The following CDH26 variants were observed in gnomAD, a reference collection of about 807,000 sequenced individuals.
CDH26 encodes cadherin 26, also known as cadherin-like protein 26.
Under a neutral mutation model 90.3 loss-of-function variants are expected in CDH26, and 83 were observed. That is an observed-to-expected ratio of 0.92 (90% CI 0.77 to 1.10). CDH26 has a LOEUF of 1.10. CDH26 is among the 50% of genes least tolerant of loss of function. CDH26 has a pLI of 0.00. For synonymous variants in CDH26, 397 were observed against 396.3 expected (o/e 1.00, Z -0.02); for missense variants, 1,013 against 1,037.6 (o/e 0.98, Z 0.33).
chr20:59,967,858 T>TTTCC (rs1491382296), intron 1 of CDH26, among the ~76,000 whole-genome samples: 3 of 114,934 alleles, frequency 2.6e-5, no homozygotes, highest in African/African-American at 9.6e-5. Context: ...TCTTTCTTTC[T>TTTCC]TTCTTTCTTT....
At chr20:59,995,220 C>T (rs1163729551) in intron 11 of CDH26, among the ~76,000 whole-genome samples, 2 of 152,142 alleles carry the variant, frequency 1.3e-5, no homozygotes, top group Non-Finnish European at 2.9e-5. Flanking sequence ...TGTCTGACAC[C>T]AGTGTCTCTT....
chr20:59,974,679 G>T (rs1160236698), intron 4 of CDH26, among the ~76,000 whole-genome samples: 3 of 152,164 alleles, frequency 2.0e-5, no homozygotes. Flanking sequence ...GACCACAGTT[G>T]TCTTTTAATA....
rs184201716 is a variant in CDH26 at position 59,986,923 on chromosome 20, G to A, written c.838-530G>A. On this transcript the variant is annotated intron_variant, in intron 7 of 17. Transcript: ENST00000348616. ...AAATCTTTTCCTGGCTTGGTAAAAA[G>A]CAATGCTCTCAAAAATATGGCTGGA... Among the ~76,000 whole-genome samples, 69 of 152,162 alleles carry A rather than the reference G, an allele frequency of 4.5e-4. 1 individual carries two copies. In the East Asian group the frequency reaches 9.3e-3, roughly 20 times the overall value.
In CDH26 at chr20:59,992,511, G is replaced by A; in HGVS notation, c.1417G>A (p.Val473Ile). ...NSFYVIIIHA[V>I]DDGFPPQTAT... ...TTTTTATGTAATCATCATTCACGCT[G>A]TTGATGATGGTGAGTGTTTACCCAA... Residue 473 changes from valine (V) to isoleucine (I), a missense_variant, in exon 10 of 18, where the codon GTT becomes ATT. Val to Ile is a conservative substitution (Grantham distance 29). Coordinates refer to ENST00000348616, the MANE Select transcript of CDH26 (RefSeq NM_177980.4). The surrounding 1 kb of genome is among the most constrained non-coding windows in gnomAD (Gnocchi z 5.0). 1 of 1,613,698 alleles carries A rather than the reference G, an allele frequency of 6.2e-7. No individual in the cohort carries two copies. Among genetic ancestry groups the A allele is most frequent in the Non-Finnish European group, 8.5e-7 (1 of 1,179,892 alleles).
intron 1 of CDH26, among the ~76,000 whole-genome samples, chr20:59,968,376 C>T (rs533935962): frequency 5.3e-5 from 8 of 152,192 alleles, no homozygotes; most frequent in East Asian, 1.9e-4. Context: ...GGATTACACG[C>T]GTGAGCCACC....
At chr20:59,966,324 T>C (rs192357675) in intron 1 of CDH26, among the ~76,000 whole-genome samples, 1 of 151,890 alleles carries the variant, frequency 6.6e-6, no homozygotes, top group Admixed American at 6.5e-5. Flanking sequence ...ACCTTCTGCC[T>C]TGATGTACAG....
chr20:60,009,761 C>T (rs192191286), intron 17 of CDH26, among the ~76,000 whole-genome samples: 1 of 152,262 alleles, frequency 6.6e-6, no homozygotes. Flanking sequence ...GCTCTGCTGT[C>T]AGCCTGGGGG....
rs569750793 is a variant in CDH26, at chr20:59,970,599, A to G, written c.231+413A>G. 6.6e-4 allele frequency among the ~76,000 whole-genome samples: 100 copies of G among 151,804 alleles called. 1 individual carries two copies. The highest frequency in any genetic ancestry group is 2.2e-3 in the African/African-American group (91 of 41,378). On this transcript the variant is annotated intron_variant, in intron 3 of 17. Transcript: ENST00000348616. Reference sequence around the variant, plus strand: ...GCCGAGGCGGGCGGATCAGGAGATCAGGAGATCGAGCCCATCCTGGCCAAC... The same window carrying G: ...GCCGAGGCGGGCGGATCAGGAGATCGGGAGATCGAGCCCATCCTGGCCAAC...
chr20:59,965,230 C>T (rs2061132251), intron 1 of CDH26, among the ~76,000 whole-genome samples: 1 of 152,158 alleles, frequency 6.6e-6, no homozygotes, highest in Non-Finnish European at 1.5e-5. Flanking sequence ...CACCCACCAC[C>T]CACCATGGCC....
chr20:60,030,036 GA>G lies in CDH26; in HGVS notation c.948-1192del, dbSNP rs1350929012. Among the ~76,000 whole-genome samples, 1 of 152,150 alleles carries G rather than the reference GA, an allele frequency of 6.6e-6. No homozygotes were observed. Among genetic ancestry groups the G allele is most frequent in the Non-Finnish European group, 1.5e-5 (1 of 68,014 alleles). On this transcript the variant is annotated intron_variant, in intron 7 of 8. Transcript: ENST00000370991. The surrounding 1 kb of genome is among the most constrained non-coding windows in gnomAD (Gnocchi z 4.0). ...GGTTGAAAAACAAGGAAGGGAGAAAGAAAGTGAACTGGGGATCCCTTCTGCC... is the reference window on the plus strand; with the variant it reads ...GGTTGAAAAACAAGGAAGGGAGAAAGAAGTGAACTGGGGATCCCTTCTGCC...
chr20:60,026,390 TAGAGAGAGAG>T (rs60922926), intron 7 of CDH26, among the ~76,000 whole-genome samples: 189 of 139,356 alleles, frequency 1.4e-3, no homozygotes, highest in Middle Eastern at 3.7e-3. Context: ...TGGCTGGAGT[TAGAGAGAGAG>T]AGAGAGAGAG....
chr20:59,982,404 T>C (rs1483484488), intron 4 of CDH26, among the ~76,000 whole-genome samples: 2 of 152,236 alleles, frequency 1.3e-5, no homozygotes, highest in Non-Finnish European at 1.5e-5. Context: ...ATTTCACACA[T>C]GCATATTTGA....
At chr20:59,964,557 C>G (rs1468290670) in intron 1 of CDH26, among the ~76,000 whole-genome samples, 1 of 151,992 alleles carries the variant, frequency 6.6e-6, no homozygotes, top group African/African-American at 2.4e-5. Flanking sequence ...AATGAGAGCA[C>G]TTACAAAATC....
At chr20:59,967,966 T>G in intron 1 of CDH26, among the ~76,000 whole-genome samples, 1 of 60,568 alleles carries the variant, frequency 1.7e-5, no homozygotes, top group Non-Finnish European at 3.2e-5. Context: ...TATCTTTCTT[T>G]CTTTCTTTCT....
intron 1 of CDH26, among the ~76,000 whole-genome samples, chr20:59,959,108 C>T (rs2061034458): frequency 6.6e-6 from 1 of 152,124 alleles, no homozygotes; most frequent in African/African-American, 2.4e-5. Flanking sequence ...TTGTTTCTTT[C>T]TCCTTTTGTT....
chr20:59,980,645 A>C (rs748271932), intron 4 of CDH26, among the ~76,000 whole-genome samples: 3 of 152,202 alleles, frequency 2.0e-5, no homozygotes, highest in Non-Finnish European at 4.4e-5. Context: ...ATCCTTTGTC[A>C]GCATATGAAA....
chr20:60,026,380 T>C (rs1174528222), intron 7 of CDH26, among the ~76,000 whole-genome samples: 2 of 134,448 alleles, frequency 1.5e-5, no homozygotes, highest in Non-Finnish European at 3.1e-5. Context: ...GACAGCTCTC[T>C]GGCTGGAGTT....
chr20:60,021,849 TACACACAC>T (rs757813328), intron 7 of CDH26, among the ~76,000 whole-genome samples: 39 of 42,578 alleles, frequency 9.2e-4, no homozygotes, highest in East Asian at 2.3e-3. Context: ...TCCTTATCTG[TACACACAC>T]ACACACACAC....
chr20:59,992,379 T>C lies in CDH26; in HGVS notation c.1285T>C (p.Tyr429His). ...TGCTGTCCGTTTTCCTTCTACAAGA[T>C]ATGAACTGGTTCATGACCCAGCAAA... is the stretch of plus-strand genomic sequence containing the variant. ...NAMDPDSQIRYELVHDPANWV... is the reference protein window; with the variant it reads ...NAMDPDSQIRHELVHDPANWV... The change falls in exon 10 of 18, where the codon TAT (tyrosine) becomes CAT (histidine). Residue 429 changes from tyrosine (Y) to histidine (H), a missense_variant and splice_region_variant. Physicochemically the swap from Tyr to His is moderately conservative, Grantham distance 83. Transcript: ENST00000348616. This position sits in a 1 kb window ranked among gnomAD's most constrained non-coding sequence, Gnocchi z 5.0. 6.2e-7 allele frequency: 1 copy of C among 1,613,550 alleles called. No individual in the cohort carries two copies. Among genetic ancestry groups the C allele is most frequent in the East Asian group, 2.2e-5 (1 of 44,888 alleles).
Sources: gnomAD v4.1 joint callset for allele counts (sites outside exome capture counted in the v4.1 genomes callset) on GRCh38, gnomAD v4.1.1 for gene constraint, Gnocchi (gnomAD v3.1) non-coding constraint, MANE v1.5 for transcripts, NCBI Gene and HGNC (gene_info 2026-07-23, HGNC 2026-07-21) for gene names.